ATP6V1C2: variants seen among roughly 807,000 people sequenced by gnomAD.
The protein encoded by ATP6V1C2 is ATPase H+ transporting V1 subunit C2.
Under a neutral mutation model 56.8 loss-of-function variants are expected in ATP6V1C2, and 45 were observed. That is an observed-to-expected ratio of 0.79 (90% CI 0.62 to 1.02). ATP6V1C2 has a LOEUF of 1.02. Ranked by LOEUF, ATP6V1C2 falls within the 50% of genes least tolerant of loss-of-function variation. ATP6V1C2 has a pLI of 0.00. For synonymous variants in ATP6V1C2, 220 were observed against 201.3 expected, an observed-to-expected ratio of 1.09 and a Z score of -0.79; for missense variants, 463 against 519.7, an observed-to-expected ratio of 0.89 and a Z score of 1.06.
rs61071339 is a variant in ATP6V1C2, at chr2:10,756,915, TTACAC to T, written c.283+2852_283+2856del. Among the ~76,000 whole-genome samples the T allele has an allele frequency of 8.0e-3, 1,221 of 151,936 alleles. 12 individuals carry two copies. The highest frequency in any genetic ancestry group is 0.028 in the African/African-American group (1,146 of 41,406). ...CTGTCATGAAGCAACGCATGACTGT[TTACAC>T]TATATGTTTATAATAAGATTTATAT... On this transcript the variant is annotated intron_variant, in intron 4 of 13. Transcript: ENST00000272238.
intron 3 of ATP6V1C2, among the ~76,000 whole-genome samples, chr2:10,743,927 T>C (rs1437810320): frequency 2.0e-5 from 3 of 150,744 alleles, no homozygotes; most frequent in Non-Finnish European, 4.4e-5. Context: ...GAGGTTGCAG[T>C]GAGCCAAGAT....
At chr2:10,727,411 C>T (rs1302913132) in intron 3 of ATP6V1C2, among the ~76,000 whole-genome samples, 1 of 149,362 alleles carries the variant, frequency 6.7e-6, no homozygotes, top group African/African-American at 2.5e-5. Flanking sequence ...AAAAAAATAG[C>T]TAGATGTGGT....
At chr2:10,729,243 C>T (rs971749868) in intron 3 of ATP6V1C2, among the ~76,000 whole-genome samples, 2 of 150,302 alleles carry the variant, frequency 1.3e-5, no homozygotes, top group Non-Finnish European at 2.9e-5. Flanking sequence ...GGGCTCACTA[C>T]AGCCTCTGCC....
At chr2:10,735,320 C>T (rs1280994700) in intron 3 of ATP6V1C2, among the ~76,000 whole-genome samples, 1 of 151,784 alleles carries the variant, frequency 6.6e-6, no homozygotes. Flanking sequence ...CAGGCGTGTG[C>T]CACCAGGCCC....
At chr2:10,768,925 C>A in intron 6 of ATP6V1C2, 115 bp downstream of exon 6, 1 of 805,536 alleles carries the variant, frequency 1.2e-6, no homozygotes, top group Non-Finnish European at 2.0e-6. Flanking sequence ...GAGAGTGAGA[C>A]AGACAGACAG....
chr2:10,772,755 T>A (rs1305319521), intron 8 of ATP6V1C2, 145 bp downstream of exon 8: 1 of 738,810 alleles, frequency 1.4e-6, no homozygotes, highest in African/African-American at 1.7e-5. Flanking sequence ...GGCCTGGAAT[T>A]CTGTCAGGGT....
intron 4 of ATP6V1C2, among the ~76,000 whole-genome samples, chr2:10,756,413 C>T (rs970097971): frequency 2.6e-5 from 4 of 151,536 alleles, no homozygotes; most frequent in African/African-American, 9.7e-5. Flanking sequence ...GTACCTTTTC[C>T]ATGTTTAGAA....
At chr2:10,742,968 A>G (rs1175614739) in intron 3 of ATP6V1C2, among the ~76,000 whole-genome samples, 2 of 152,058 alleles carry the variant, frequency 1.3e-5, no homozygotes, top group African/African-American at 2.4e-5. Context: ...CACCTGGGCA[A>G]TGCCCCCCAC....
chr2:10,750,511 G>T (rs1025914757), intron 3 of ATP6V1C2, among the ~76,000 whole-genome samples: 48 of 137,640 alleles, frequency 3.5e-4, no homozygotes, highest in African/African-American at 1.2e-3. Context: ...GTGAGACCCT[G>T]TCTCAAAAAC....
chr2:10,729,854 G>A (rs1024516918), intron 3 of ATP6V1C2, among the ~76,000 whole-genome samples: 8 of 152,190 alleles, frequency 5.3e-5, no homozygotes, highest in Admixed American at 1.3e-4. Flanking sequence ...GACCCTGGCT[G>A]TGGGGTAGAT....
intron 3 of ATP6V1C2, among the ~76,000 whole-genome samples, chr2:10,740,843 G>T (rs1001455224): frequency 6.6e-6 from 1 of 152,114 alleles, no homozygotes; most frequent in Non-Finnish European, 1.5e-5. Flanking sequence ...TGTGCCACCA[G>T]GCCCGGCTAA....
chr2:10,781,088 G>A (rs138691120), intron 12 of ATP6V1C2, among the ~76,000 whole-genome samples: 1 of 152,250 alleles, frequency 6.6e-6, no homozygotes, highest in Non-Finnish European at 1.5e-5. Flanking sequence ...ATTATTAGCA[G>A]GACGGGTGCC....
At chr2:10,760,904 G>C (rs1663869197) in intron 4 of ATP6V1C2, among the ~76,000 whole-genome samples, 1 of 152,224 alleles carries the variant, frequency 6.6e-6, no homozygotes, top group Non-Finnish European at 1.5e-5. Flanking sequence ...CACGTAGACA[G>C]TGCGAGCTGA....
chr2:10,737,289 G>GCAT, intron 3 of ATP6V1C2, among the ~76,000 whole-genome samples: 2 of 151,216 alleles, frequency 1.3e-5, no homozygotes, highest in African/African-American at 4.9e-5. Context: ...GATTAACCAG[G>GCAT]TGTGGTGGTG....
chr2:10,723,351 G>C (rs915099564), intron 2 of ATP6V1C2, among the ~76,000 whole-genome samples: 1 of 152,130 alleles, frequency 6.6e-6, no homozygotes, highest in Non-Finnish European at 1.5e-5. Flanking sequence ...CCACCATATA[G>C]TTTAGATGTG....
chr2:10,778,909 C>T (rs111837392), intron 12 of ATP6V1C2, among the ~76,000 whole-genome samples: 6,281 of 152,290 alleles, frequency 0.041, 376 homozygotes, highest in African/African-American at 0.13. Flanking sequence ...CTGGGTTCTC[C>T]CCAGCTGCCC....
intron 10 of ATP6V1C2, among the ~76,000 whole-genome samples, chr2:10,775,681 T>C (rs1372100558): frequency 1.3e-5 from 2 of 152,006 alleles, no homozygotes; most frequent in African/African-American, 2.4e-5. Context: ...CACGTTTGAA[T>C]TGTGAGCAGG....
intron 3 of ATP6V1C2, among the ~76,000 whole-genome samples, chr2:10,744,991 T>C (rs1425015301): frequency 6.6e-6 from 1 of 151,660 alleles, no homozygotes; most frequent in Non-Finnish European, 1.5e-5. Flanking sequence ...TATGGGTTTA[T>C]TACTTTAAAA....
chr2:10,728,057 ATAT>A (rs1661746036), intron 3 of ATP6V1C2, among the ~76,000 whole-genome samples: 1 of 152,258 alleles, frequency 6.6e-6, no homozygotes, highest in East Asian at 1.9e-4. Context: ...CTTAAAATTA[ATAT>A]TATTCATTCA....
Sources: allele counts gnomAD v4.1 joint callset (sites outside exome capture counted in the v4.1 genomes callset), GRCh38; gene constraint gnomAD v4.1.1; transcripts MANE v1.5; gene names NCBI Gene and HGNC (gene_info 2026-07-23, HGNC 2026-07-21).